PHF21A: variants seen among roughly 807,000 people sequenced by gnomAD.
The protein encoded by PHF21A is BHC80a.
In PHF21A, 11 loss-of-function variants were observed where a neutral mutation model predicts 82.5. The observed-to-expected ratio is 0.13, with a 90% CI of 0.08 to 0.22. The LOEUF (loss-of-function observed/expected upper bound fraction) is 0.22. PHF21A is among the 10% of genes least tolerant of loss of function. The pLI is 1.00. For synonymous variants in PHF21A, 297 were observed against 302.8 expected, an observed-to-expected ratio of 0.98 and a Z score of 0.20; for missense variants, 579 against 837.8, an observed-to-expected ratio of 0.69 and a Z score of 3.81.
At chr11:46,001,197 T>TA (rs2095115359) in intron 6 of PHF21A, among the ~76,000 whole-genome samples, 1 of 151,780 alleles carries the variant, frequency 6.6e-6, no homozygotes, top group South Asian at 2.1e-4. Flanking sequence ...AAGAAAAACT[T>TA]AAAGCCATGT....
At chr11:46,034,400 C>A (rs1426158346) in intron 6 of PHF21A, among the ~76,000 whole-genome samples, 2 of 152,098 alleles carry the variant, frequency 1.3e-5, no homozygotes, top group African/African-American at 2.4e-5. Flanking sequence ...AATAAGGTTT[C>A]TCTTCTTTCT....
intron 6 of PHF21A, among the ~76,000 whole-genome samples, chr11:46,051,766 G>T (rs907410709): frequency 6.6e-6 from 1 of 152,166 alleles, no homozygotes; most frequent in African/African-American, 2.4e-5. Context: ...CAAAGGATTG[G>T]ATGAAGGAAT....
rs1452859819 is a variant in PHF21A, at chr11:45,971,905, T to TTTTTTA, written c.361-539_361-538insTAAAAA. ...CTTTTTCTTTCTTTTTTTTTTTTTTTATGGTGTCACCCTGGAGAGAAGGAA... is the reference window on the plus strand; with the variant it reads ...CTTTTTCTTTCTTTTTTTTTTTTTTTTTTTTAATGGTGTCACCCTGGAGAGAAGGAA... On this transcript the variant is annotated intron_variant, in intron 7 of 18. Transcript: ENST00000676320. 1.8e-4 allele frequency among the ~76,000 whole-genome samples: 16 copies of TTTTTTA among 89,952 alleles called. 2 individuals are homozygous for TTTTTTA. Among genetic ancestry groups the TTTTTTA allele is most frequent in the Admixed American group, 9.5e-4 (7 of 7,330 alleles). 59.0% of individuals were successfully genotyped at this position (89,952 alleles called of 152,430 possible).
chr11:45,960,242 G>T (rs1289385446), intron 10 of PHF21A, among the ~76,000 whole-genome samples: 1 of 152,190 alleles, frequency 6.6e-6, no homozygotes, highest in African/African-American at 2.4e-5. Context: ...GTTCACAGCA[G>T]AACTATGCAC....
At chr11:46,086,378 C>T (rs923438287) in intron 3 of PHF21A, among the ~76,000 whole-genome samples, 4 of 152,198 alleles carry the variant, frequency 2.6e-5, no homozygotes, top group Non-Finnish European at 5.9e-5. Flanking sequence ...CCTGGCCTCC[C>T]AAAGTGCTGG....
chr11:46,064,451 G>GTA (rs768255059), intron 6 of PHF21A, among the ~76,000 whole-genome samples: 12 of 152,144 alleles, frequency 7.9e-5, no homozygotes, highest in Non-Finnish European at 1.5e-4. Flanking sequence ...GGATGAGAGA[G>GTA]GTTAGCCAAA....
At chr11:45,998,923 A>G (rs1565470778) in intron 6 of PHF21A, among the ~76,000 whole-genome samples, 1 of 151,858 alleles carries the variant, frequency 6.6e-6, no homozygotes, top group Non-Finnish European at 1.5e-5. Flanking sequence ...CTTGGGTTCA[A>G]GCAATTCTCC....
At chr11:46,055,748 C>G (rs1245535155) in intron 6 of PHF21A, among the ~76,000 whole-genome samples, 1 of 152,104 alleles carries the variant, frequency 6.6e-6, no homozygotes, top group Non-Finnish European at 1.5e-5. Context: ...CCTGATTTAC[C>G]TTTAAGGCAT....
chr11:45,956,013 A>C (rs994508325), intron 10 of PHF21A, among the ~76,000 whole-genome samples: 1 of 152,232 alleles, frequency 6.6e-6, no homozygotes, highest in African/African-American at 2.4e-5. Flanking sequence ...GAAATGGGTT[A>C]ATATATTTAA....
At chr11:46,092,499 T>C (rs897036247) in intron 1 of PHF21A, among the ~76,000 whole-genome samples, 1 of 152,130 alleles carries the variant, frequency 6.6e-6, no homozygotes, top group Non-Finnish European at 1.5e-5. Flanking sequence ...AAGAGACACA[T>C]AGAAATGAAA....
At chr11:46,003,405 G>A (rs1446391433) in intron 6 of PHF21A, among the ~76,000 whole-genome samples, 1 of 151,682 alleles carries the variant, frequency 6.6e-6, no homozygotes, top group Non-Finnish European at 1.5e-5. Flanking sequence ...CTCCCCCACT[G>A]CTAAAAGAAA....
intron 6 of PHF21A, among the ~76,000 whole-genome samples, chr11:45,989,490 TA>T (rs57370032): frequency 2.0e-5 from 2 of 100,934 alleles, no homozygotes; most frequent in Non-Finnish European, 1.9e-5. Flanking sequence ...CCATCTCTAC[TA>T]AAAAAAAAAA....
At chr11:46,050,386 T>A (rs1309178711) in intron 6 of PHF21A, among the ~76,000 whole-genome samples, 1 of 152,232 alleles carries the variant, frequency 6.6e-6, no homozygotes, top group African/African-American at 2.4e-5. Context: ...GTGATTTCCC[T>A]GTTCTGCTGA....
intron 3 of PHF21A, among the ~76,000 whole-genome samples, chr11:46,088,799 G>A (rs547023039): frequency 2.2e-4 from 34 of 152,242 alleles, no homozygotes; most frequent in African/African-American, 7.9e-4. Flanking sequence ...CTAGAAGACT[G>A]TAGGCTTTTC....
At chr11:45,955,099 C>T (rs139691690) in intron 10 of PHF21A, among the ~76,000 whole-genome samples, 226 of 152,326 alleles carry the variant, frequency 1.5e-3, no homozygotes, top group African/African-American at 4.7e-3. Flanking sequence ...GGTGTTCTCT[C>T]GTATTTCCCC....
intron 6 of PHF21A, among the ~76,000 whole-genome samples, chr11:46,013,535 T>C (rs2095453208): frequency 2.0e-5 from 3 of 152,326 alleles, no homozygotes; most frequent in South Asian, 4.1e-4. Flanking sequence ...TACTGTGTAA[T>C]GTCTTCCTAA....
intron 6 of PHF21A, among the ~76,000 whole-genome samples, chr11:45,986,518 A>C (rs761747345): frequency 2.6e-5 from 4 of 152,232 alleles, no homozygotes; most frequent in Non-Finnish European, 5.9e-5. Flanking sequence ...ATAAACACAT[A>C]AACTACAATC....
intron 1 of PHF21A, among the ~76,000 whole-genome samples, chr11:46,098,897 A>G (rs776133497): frequency 3.9e-5 from 6 of 152,196 alleles, no homozygotes; most frequent in Admixed American, 3.9e-4. Context: ...AACCCTTTCT[A>G]TTGCACTAAC....
At chr11:46,035,546 G>A (rs1388144049) in intron 6 of PHF21A, among the ~76,000 whole-genome samples, 1 of 152,154 alleles carries the variant, frequency 6.6e-6, no homozygotes, top group Non-Finnish European at 1.5e-5. Flanking sequence ...TAGAAGCAAA[G>A]AGAGACAAAT....
Sources: gnomAD v4.1 joint callset for allele counts (sites outside exome capture counted in the v4.1 genomes callset) on GRCh38, gnomAD v4.1.1 for gene constraint, MANE v1.5 for transcripts, NCBI Gene and HGNC (gene_info 2026-07-23, HGNC 2026-07-21) for gene names.